Variants in ANK3 observed in about 807,000 individuals in gnomAD.
ANK3 encodes ankyrin 3, also known as ankyrin-3.
ANK3 carries 57 observed loss-of-function variants against 370.9 expected under a neutral mutation model. That is an observed-to-expected ratio of 0.15 (90% CI 0.12 to 0.19). The LOEUF is 0.19. Ranked by LOEUF, ANK3 falls within the 10% of genes least tolerant of loss-of-function variation. ANK3 has a pLI of 1.00. For synonymous variants in ANK3, 1,929 were observed against 1,946.3 expected (o/e 0.99, Z 0.23); for missense variants, 4,439 against 5,302.1 (o/e 0.84, Z 5.06).
intron 1 of ANK3, among the ~76,000 whole-genome samples, chr10:60,351,328 T>A (rs917224108): frequency 1.3e-5 from 2 of 152,128 alleles, no homozygotes; most frequent in Admixed American, 6.5e-5. Flanking sequence ...TGGTTCCCCT[T>A]CCTTCACTAT....
At chr10:60,049,190 A>G (rs181057866) in intron 42 of ANK3, among the ~76,000 whole-genome samples, 54 of 152,334 alleles carry the variant, frequency 3.5e-4, no homozygotes, top group Admixed American at 1.9e-3. Context: ...GATATCTCTC[A>G]AAGCTTGTTT....
intron 1 of ANK3, among the ~76,000 whole-genome samples, chr10:60,359,329 G>T (rs2058265943): frequency 6.6e-6 from 1 of 152,162 alleles, no homozygotes; most frequent in Non-Finnish European, 1.5e-5. Flanking sequence ...CTCCTCTCCA[G>T]CTAAAGCATA....
chr10:60,420,440 G>A (rs1041754371), intron 2 of ANK3, among the ~76,000 whole-genome samples: 1 of 152,042 alleles, frequency 6.6e-6, no homozygotes, highest in Non-Finnish European at 1.5e-5. Flanking sequence ...AGAAGAGAGA[G>A]AATGACCCCA....
intron 43 of ANK3, among the ~76,000 whole-genome samples, chr10:60,033,514 CAAAAAAA>C (rs537623584): frequency 4.3e-4 from 22 of 50,628 alleles, no homozygotes; most frequent in South Asian, 3.4e-3. Context: ...GACTCAGTCT[CAAAAAAA>C]AAAAAAAAAA....
intron 36 of ANK3, 171 bp downstream of exon 36, chr10:60,080,366 T>A: frequency 3.5e-6 from 2 of 576,256 alleles, no homozygotes; most frequent in South Asian, 2.4e-5. Flanking sequence ...CGTTTTTACC[T>A]CACATCTTCA....
chr10:60,108,900 G>T lies in ANK3; in HGVS notation c.3103C>A (p.Pro1035Thr). Reference sequence around the variant, plus strand: ...GCTAATCCCTCTCCTTCCACCATGGGGGGTGGGTTGGCCAGTTTATGTCTC... The same window carrying T: ...GCTAATCCCTCTCCTTCCACCATGGTGGGTGGGTTGGCCAGTTTATGTCTC... ...VKRHKLANPP[P>T]MVEGEGLASR... is the part of the protein sequence containing the mutation. Residue 1035 changes from proline (P) to threonine (T), a missense_variant, in exon 27 of 44, where the codon CCC (proline) becomes ACC (threonine). Around this residue, in one of 13 missense-constraint regions of ANK3, gnomAD observed 702 missense variants for 941.5 expected, o/e 0.75. Coordinates refer to ENST00000280772, the MANE Select transcript of ANK3 (RefSeq NM_020987.5). 1.2e-6 allele frequency: 2 copies of T among 1,614,062 alleles called. No homozygotes were observed. Among genetic ancestry groups the T allele is most frequent in the Non-Finnish European group, 1.7e-6 (2 of 1,179,968 alleles).
At chr10:60,574,029 G>A (rs772562960) in intron 2 of ANK3, among the ~76,000 whole-genome samples, 2 of 152,110 alleles carry the variant, frequency 1.3e-5, no homozygotes, top group South Asian at 2.1e-4. Flanking sequence ...AGTCACAGAG[G>A]GCTAATTTTT....
chr10:60,056,227 T>G (rs1035736748), intron 41 of ANK3, among the ~76,000 whole-genome samples, 191 bp from the exon 42 acceptor site: 2 of 152,188 alleles, frequency 1.3e-5, no homozygotes, highest in African/African-American at 2.4e-5. Context: ...CCCAGCACCT[T>G]GGGAGGCTGA....
chr10:60,317,419 C>T (rs187319216), intron 1 of ANK3, among the ~76,000 whole-genome samples: 136 of 152,190 alleles, frequency 8.9e-4, no homozygotes, highest in Non-Finnish European at 5.0e-4. Flanking sequence ...CCACTGTGCC[C>T]GGCCCCTACT....
intron 1 of ANK3, among the ~76,000 whole-genome samples, chr10:60,705,022 C>G (rs2079595035): frequency 6.6e-6 from 1 of 152,072 alleles, no homozygotes; most frequent in Non-Finnish European, 1.5e-5. Context: ...CAAAACATAG[C>G]TTTCCTAGAA....
chr10:60,354,433 A>G (rs1166517528), intron 1 of ANK3, among the ~76,000 whole-genome samples: 1 of 152,256 alleles, frequency 6.6e-6, no homozygotes, highest in Non-Finnish European at 1.5e-5. Context: ...CGCTGTCTTC[A>G]GTAGTAAACT....
intron 1 of ANK3, among the ~76,000 whole-genome samples, chr10:60,361,649 A>G (rs533822008): frequency 2.4e-4 from 37 of 152,308 alleles, no homozygotes; most frequent in African/African-American, 8.7e-4. Flanking sequence ...GTAGTGGAAC[A>G]AGGTATGGGG....
chr10:60,034,321 T>G (rs537418347), intron 43 of ANK3, among the ~76,000 whole-genome samples: 2 of 152,052 alleles, frequency 1.3e-5, no homozygotes, highest in Non-Finnish European at 2.9e-5. Context: ...CTGGCCAGGG[T>G]GGTCTTGAAC....
At chr10:60,132,980 T>G (rs1323054952) in intron 25 of ANK3, among the ~76,000 whole-genome samples, 1 of 152,170 alleles carries the variant, frequency 6.6e-6, no homozygotes, top group East Asian at 1.9e-4. Context: ...TATTCACCTC[T>G]GTAAGGCCTG....
intron 2 of ANK3, among the ~76,000 whole-genome samples, chr10:60,512,467 CAG>C (rs1555385136): frequency 2.6e-5 from 4 of 152,060 alleles, no homozygotes; most frequent in Admixed American, 6.6e-5. Context: ...ATGTACATGA[CAG>C]GGGTTATTTT....
chr10:60,371,265 G>GC (rs1373973224), intron 1 of ANK3, among the ~76,000 whole-genome samples: 2 of 151,986 alleles, frequency 1.3e-5, no homozygotes, highest in African/African-American at 4.8e-5. Flanking sequence ...ATGAAAAAAC[G>GC]CTCCACATCA....
intron 1 of ANK3, among the ~76,000 whole-genome samples, chr10:60,332,110 A>T (rs1440114362): frequency 6.6e-6 from 1 of 152,176 alleles, no homozygotes; most frequent in Non-Finnish European, 1.5e-5. Context: ...GCAAAAAAGG[A>T]CATCAGCTAG....
chr10:60,063,996 T>A (rs1215293424), intron 39 of ANK3, among the ~76,000 whole-genome samples, 161 bp downstream of exon 39: 3 of 152,222 alleles, frequency 2.0e-5, no homozygotes, highest in African/African-American at 7.2e-5. Flanking sequence ...ATTAAACAAG[T>A]ATAACTTCAA....
chr10:60,509,822 A>G (rs1363821338), intron 2 of ANK3, among the ~76,000 whole-genome samples: 2 of 152,136 alleles, frequency 1.3e-5, no homozygotes, highest in Non-Finnish European at 2.9e-5. Context: ...AATTATCTAA[A>G]ACCAGTCCCA....
Sources: gnomAD v4.1 joint callset for allele counts (sites outside exome capture counted in the v4.1 genomes callset) on GRCh38, gnomAD v4.1.1 for gene constraint, gnomAD v4.1.1 regional missense constraint, MANE v1.5 for transcripts, NCBI Gene and HGNC (gene_info 2026-07-23, HGNC 2026-07-21) for gene names.